NUBPL: variants seen among roughly 807,000 people sequenced by gnomAD.
NUBPL encodes the protein iron-sulfur cluster transfer protein NUBPL.
A neutral mutation model predicts 45.7 loss-of-function variants in NUBPL; 31 were observed. That is an observed-to-expected ratio of 0.68 (90% CI 0.51 to 0.92). The LOEUF (loss-of-function observed/expected upper bound fraction) is 0.92, where lower values mean the gene tolerates loss of function less well. Ranked by LOEUF, NUBPL falls within the 40% of genes least tolerant of loss-of-function variation. NUBPL has a pLI of 0.00. For synonymous variants in NUBPL, 144 were observed against 140.9 expected, an observed-to-expected ratio of 1.02 and a Z score of -0.15; for missense variants, 401 against 398.7, an observed-to-expected ratio of 1.01 and a Z score of -0.05.
At chr14:31,646,521 A>C (rs1324563488) in intron 4 of NUBPL, among the ~76,000 whole-genome samples, 2 of 152,112 alleles carry the variant, frequency 1.3e-5, no homozygotes, top group African/African-American at 4.8e-5. Context: ...TGGCATTTTG[A>C]AAATGTTATT....
chr14:31,802,190 C>T (rs975342174), intron 7 of NUBPL, among the ~76,000 whole-genome samples: 11 of 152,146 alleles, frequency 7.2e-5, no homozygotes, highest in African/African-American at 2.7e-4. Flanking sequence ...AGGGAGTTCT[C>T]TCCAGAGCAG....
At chr14:31,721,679 C>G (rs1198727957) in intron 6 of NUBPL, among the ~76,000 whole-genome samples, 3 of 151,348 alleles carry the variant, frequency 2.0e-5, no homozygotes, top group Non-Finnish European at 4.4e-5. Flanking sequence ...TATAGGTGAA[C>G]TCATGTCCCG....
intron 4 of NUBPL, among the ~76,000 whole-genome samples, chr14:31,649,946 G>A (rs1373229403): frequency 2.6e-5 from 4 of 152,082 alleles, no homozygotes; most frequent in South Asian, 4.2e-4. Context: ...TGCAACCTCC[G>A]CCTCTCAGGT....
At chr14:31,580,572 C>T (rs531141760) in intron 3 of NUBPL, among the ~76,000 whole-genome samples, 2 of 152,240 alleles carry the variant, frequency 1.3e-5, no homozygotes, top group South Asian at 4.1e-4. Flanking sequence ...TATGATCACA[C>T]CACTGTGCTA....
intron 6 of NUBPL, among the ~76,000 whole-genome samples, chr14:31,713,990 C>T (rs2037632157): frequency 6.6e-6 from 1 of 152,162 alleles, no homozygotes; most frequent in East Asian, 1.9e-4. Flanking sequence ...ATGTGGAAGA[C>T]AGTACTGATT....
At chr14:31,804,032 T>G (rs2138874978) in intron 7 of NUBPL, among the ~76,000 whole-genome samples, 1 of 152,256 alleles carries the variant, frequency 6.6e-6, no homozygotes, top group South Asian at 2.1e-4. Flanking sequence ...TAACTGGGAT[T>G]ACAGGGATGC....
intron 10 of NUBPL, among the ~76,000 whole-genome samples, chr14:31,856,148 C>A (rs1373954974): frequency 2.0e-5 from 3 of 152,148 alleles, no homozygotes; most frequent in Non-Finnish European, 4.4e-5. Flanking sequence ...AGGGAGGTCT[C>A]ACAATCATGG....
chr14:31,807,310 C>A (rs532173445), intron 7 of NUBPL, among the ~76,000 whole-genome samples: 2 of 150,646 alleles, frequency 1.3e-5, no homozygotes, highest in South Asian at 4.1e-4. Context: ...TAATGATTGC[C>A]ATTCTAACTG....
At chr14:31,578,552 A>G (rs1237943506) in intron 3 of NUBPL, among the ~76,000 whole-genome samples, 1 of 152,236 alleles carries the variant, frequency 6.6e-6, no homozygotes, top group Non-Finnish European at 1.5e-5. Flanking sequence ...ACACTTTTAA[A>G]GAACCTTTAT....
chr14:31,764,338 A>C (rs2038872235), intron 6 of NUBPL, among the ~76,000 whole-genome samples: 1 of 152,200 alleles, frequency 6.6e-6, no homozygotes, highest in African/African-American at 2.4e-5. Flanking sequence ...CAAGGGATGT[A>C]CTAATTGGTT....
intron 4 of NUBPL, among the ~76,000 whole-genome samples, chr14:31,670,299 A>C (rs2139802367): frequency 6.6e-6 from 1 of 151,848 alleles, no homozygotes; most frequent in East Asian, 1.9e-4. Flanking sequence ...GTGTCTTTTC[A>C]TGTCCTTTGC....
At position 31,598,460 on chromosome 14, in the gene NUBPL, A is replaced by G. The variant is rs144999907; in HGVS notation, c.292-829A>G. Reference sequence around the variant, plus strand: ...GTGTTAGGGTTCTGTTTACTTGTAGATGAGCAAAACCAGTAACAGATTGAT... The same window carrying G: ...GTGTTAGGGTTCTGTTTACTTGTAGGTGAGCAAAACCAGTAACAGATTGAT... On this transcript the variant is annotated intron_variant, in intron 3 of 10. Transcript: ENST00000281081. 3.4e-3 allele frequency among the ~76,000 whole-genome samples: 520 copies of G among 152,282 alleles called. 2 individuals carry two copies. The highest frequency in any genetic ancestry group is 5.7e-3 in the Non-Finnish European group (389 of 68,020).
chr14:31,622,647 TCAGAG>T (rs2035095694), intron 4 of NUBPL, among the ~76,000 whole-genome samples: 1 of 152,244 alleles, frequency 6.6e-6, no homozygotes, highest in African/African-American at 2.4e-5. Flanking sequence ...GGCCATTCTT[TCAGAG>T]GGTGCACACT....
chr14:31,780,210 G>A (rs550072591), intron 6 of NUBPL, among the ~76,000 whole-genome samples: 1 of 151,312 alleles, frequency 6.6e-6, no homozygotes, highest in African/African-American at 2.4e-5. Flanking sequence ...TTACAGGCAT[G>A]TGCCACCATG....
chr14:31,655,991 A>C lies in NUBPL; in HGVS notation c.383-17364A>C, dbSNP rs544385412. Among the ~76,000 whole-genome samples the C allele has an allele frequency of 5.3e-4, 81 of 151,522 alleles. 1 individual carries two copies. The highest frequency in any genetic ancestry group is 3.6e-4 in the African/African-American group (15 of 41,262). Reference sequence around the variant, plus strand: ...TACATTGAAGATCTGTTGTTTAGCTACTTCCTTCCATTATCTTAGCTAGAT... The same window carrying C: ...TACATTGAAGATCTGTTGTTTAGCTCCTTCCTTCCATTATCTTAGCTAGAT... On this transcript the variant is annotated intron_variant, in intron 4 of 10. Transcript: ENST00000281081.
chr14:31,816,103 A>T (rs371539520), intron 7 of NUBPL, among the ~76,000 whole-genome samples: 3 of 152,230 alleles, frequency 2.0e-5, no homozygotes, highest in East Asian at 3.8e-4. Context: ...TAATTTCAGA[A>T]GGAATGGTAC....
At position 31,730,717 on chromosome 14, in the gene NUBPL, T is replaced by C. The variant is rs190644586; in HGVS notation, c.514-57063T>C. Among the ~76,000 whole-genome samples the C allele has an allele frequency of 5.2e-4, 79 of 152,220 alleles. 2 individuals are homozygous for C. In the East Asian group the frequency reaches 0.014, roughly 27 times the overall value. ...TCCTGACCTCATGATCCATCCACCT[T>C]GGCCTCCCAAAGTGCTGGGATTACA... On this transcript the variant is annotated intron_variant, in intron 6 of 10. Transcript: ENST00000281081.
chr14:31,743,928 TG>T (rs1258828901), intron 6 of NUBPL, among the ~76,000 whole-genome samples: 1 of 152,210 alleles, frequency 6.6e-6, no homozygotes, highest in Non-Finnish European at 1.5e-5. Flanking sequence ...AAGTGGCTCT[TG>T]CTATGTCTCT....
At chr14:31,691,073 C>CAGAT (rs35777222) in intron 6 of NUBPL, among the ~76,000 whole-genome samples, 2 of 168 alleles carry the variant, frequency 0.012, no homozygotes, top group Admixed American at 0.11. Flanking sequence ...AAAAAAAAAT[C>CAGAT]AGAAATTACG....
Sources: gnomAD v4.1 joint callset for allele counts (sites outside exome capture counted in the v4.1 genomes callset) on GRCh38, gnomAD v4.1.1 for gene constraint, MANE v1.5 for transcripts, NCBI Gene and HGNC (gene_info 2026-07-23, HGNC 2026-07-21) for gene names.